Variants in DOCK2 observed in about 807,000 individuals in gnomAD.
DOCK2 encodes the protein dedicator of cytokinesis protein 2.
DOCK2 carries 87 observed loss-of-function variants against 248.9 expected under a neutral mutation model. The ratio of observed to expected loss-of-function variants is 0.35; its 90% CI spans 0.29 to 0.42. The LOEUF (loss-of-function observed/expected upper bound fraction) is 0.42. Ranked by LOEUF, DOCK2 falls within the 10% of genes least tolerant of loss-of-function variation. The probability of loss-of-function intolerance (pLI) is 1.00; values close to 1 mark genes in which losing one functional copy is unlikely to be tolerated. For missense variants in DOCK2, 1,747 were observed against 2,300.2 expected (o/e 0.76, Z 4.92); for synonymous variants, 805 against 821.6 (o/e 0.98, Z 0.35).
At chr5:169,679,983 C>T (rs1413142365) in intron 6 of DOCK2, among the ~76,000 whole-genome samples, 1 of 152,164 alleles carries the variant, frequency 6.6e-6, no homozygotes, top group Non-Finnish European at 1.5e-5. Flanking sequence ...CTCCTACCTT[C>T]TTTGTATGGA....
chr5:169,837,184 AT>A (rs747854468), intron 26 of DOCK2, among the ~76,000 whole-genome samples: 7 of 152,214 alleles, frequency 4.6e-5, no homozygotes, highest in Admixed American at 1.3e-4. Context: ...AATCACTACA[AT>A]TTGCAGTGTG....
intron 27 of DOCK2, among the ~76,000 whole-genome samples, chr5:169,922,499 A>G (rs925106386): frequency 6.6e-6 from 1 of 152,212 alleles, no homozygotes; most frequent in Non-Finnish European, 1.5e-5. Flanking sequence ...ACATTTAATT[A>G]TCTAAGTAAA....
chr5:169,804,255 C>T (rs1241564233), intron 26 of DOCK2, among the ~76,000 whole-genome samples: 1 of 152,162 alleles, frequency 6.6e-6, no homozygotes, highest in Non-Finnish European at 1.5e-5. Flanking sequence ...CTACACTTAC[C>T]ATCCCAATTA....
At chr5:169,734,925 C>G (rs934136330) in intron 22 of DOCK2, among the ~76,000 whole-genome samples, 1 of 152,308 alleles carries the variant, frequency 6.6e-6, no homozygotes, top group South Asian at 2.1e-4. Flanking sequence ...AAGCTGGCTG[C>G]ATTGCTCTGA....
At chr5:170,021,705 CT>C (rs756881367) in intron 33 of DOCK2, among the ~76,000 whole-genome samples, 2 of 152,156 alleles carry the variant, frequency 1.3e-5, no homozygotes, top group Non-Finnish European at 2.9e-5. Flanking sequence ...ATCAGGCTGA[CT>C]AATGAGGCAG....
intron 23 of DOCK2, among the ~76,000 whole-genome samples, chr5:169,756,390 G>A (rs1280307031): frequency 6.6e-6 from 1 of 152,214 alleles, no homozygotes; most frequent in Non-Finnish European, 1.5e-5. Context: ...TTCTGTGCAT[G>A]TTTCTCACTT....
In DOCK2 at chr5:170,034,502, G is replaced by T; in HGVS notation, c.3571G>T (p.Val1191Leu). 1 of 1,614,216 alleles carries T rather than the reference G, an allele frequency of 6.2e-7. No individual in the cohort carries two copies. The highest frequency in any genetic ancestry group is 8.5e-7 in the Non-Finnish European group (1 of 1,180,018). Residue 1191 changes from valine to leucine, a missense_variant, in exon 35 of 52, where the codon GTG (valine) becomes TTG (leucine). Val to Leu is a conservative substitution (Grantham distance 32). Coordinates refer to ENST00000520908, the MANE Select transcript of DOCK2 (RefSeq NM_004946.3). ...GGAGAAGCTGCTGGATTACCGGGGT[G>T]TGATGACAGATGAGAGCAAAGACAA... ...LLEKLLDYRGVMTDESKDNRM... is the reference protein window; with the variant it reads ...LLEKLLDYRGLMTDESKDNRM...
At chr5:170,058,951 T>A (rs1390245633) in intron 44 of DOCK2, among the ~76,000 whole-genome samples, 1 of 152,158 alleles carries the variant, frequency 6.6e-6, no homozygotes, top group Non-Finnish European at 1.5e-5. Flanking sequence ...TTGTTTTGAG[T>A]ATGGGCTCAA....
At chr5:169,756,884 C>T (rs150868218) in intron 23 of DOCK2, among the ~76,000 whole-genome samples, 1,576 of 150,148 alleles carry the variant, frequency 0.01, 29 homozygotes, top group African/African-American at 0.037. Context: ...GAGATCACCC[C>T]ATTGCACTCT....
chr5:170,047,538 T>C lies in DOCK2; in HGVS notation c.3995T>C (p.Ile1332Thr), dbSNP rs1363914896. The C allele has an allele frequency of 6.2e-7, 1 of 1,613,650 alleles. No homozygotes were observed. The highest frequency in any genetic ancestry group is 2.2e-5 in the East Asian group (1 of 44,874). Residue 1332 changes from isoleucine to threonine, a missense_variant, in exon 40 of 52, where the codon ATC (isoleucine) becomes ACC (threonine). By Grantham distance (89) the Ile-to-Thr change is moderately conservative (BLOSUM62 -1). Coordinates refer to ENST00000520908, the MANE Select transcript of DOCK2 (RefSeq NM_004946.3). ...CAGCAGGCAAAATTCTATGAAAGCATCATGAAAATCCTCAGGCCCAAACCA... is the reference window on the plus strand; with the variant it reads ...CAGCAGGCAAAATTCTATGAAAGCACCATGAAAATCCTCAGGCCCAAACCA... The part of the protein sequence containing the change: ...LIQQAKFYES[I>T]MKILRPKPDY...
At chr5:169,987,681 C>T (rs1322260837) in intron 29 of DOCK2, among the ~76,000 whole-genome samples, 1 of 152,042 alleles carries the variant, frequency 6.6e-6, no homozygotes. Context: ...TGGGAGAGGC[C>T]CCCAGAAATG....
At chr5:169,753,349 T>G (rs1764006490) in intron 23 of DOCK2, among the ~76,000 whole-genome samples, 1 of 151,604 alleles carries the variant, frequency 6.6e-6, no homozygotes, top group African/African-American at 2.4e-5. Context: ...ATGTTCTCCC[T>G]GCCCTCACCC....
chr5:170,036,681 G>A, intron 36 of DOCK2, 126 bp downstream of exon 36: 1 of 853,410 alleles, frequency 1.2e-6, no homozygotes, highest in Non-Finnish European at 1.8e-6. Context: ...GGCCCTCTGT[G>A]TTCTGATTCC....
At chr5:170,055,456 T>G (rs1353253621) in intron 42 of DOCK2, 70 bp downstream of exon 42, 1 of 1,418,858 alleles carries the variant, frequency 7.0e-7, no homozygotes, top group Non-Finnish European at 1.0e-6. Context: ...ACTGAGCTGG[T>G]GGCAGAACAG....
chr5:169,956,777 G>A (rs1776883153), intron 27 of DOCK2, among the ~76,000 whole-genome samples: 2 of 152,106 alleles, frequency 1.3e-5, no homozygotes, highest in African/African-American at 2.4e-5. Context: ...CTCACAAAAA[G>A]TTCAAATGTA....
intron 23 of DOCK2, among the ~76,000 whole-genome samples, chr5:169,756,257 T>G (rs1764187979): frequency 6.6e-6 from 1 of 152,214 alleles, no homozygotes; most frequent in Non-Finnish European, 1.5e-5. Flanking sequence ...GTGCGGGCTG[T>G]GGAGACTCCT....
At chr5:169,939,798 A>G (rs868617378) in intron 27 of DOCK2, among the ~76,000 whole-genome samples, 8 of 152,032 alleles carry the variant, frequency 5.3e-5, no homozygotes, top group Non-Finnish European at 1.0e-4. Context: ...AAAATATAAG[A>G]AAGGTAAAAA....
At chr5:169,822,432 T>G (rs932568018) in intron 26 of DOCK2, among the ~76,000 whole-genome samples, 6 of 152,206 alleles carry the variant, frequency 3.9e-5, no homozygotes, top group African/African-American at 1.4e-4. Context: ...CAGACCACAG[T>G]GCAATCAAAC....
At chr5:170,078,327 T>C (rs1392102633) in intron 48 of DOCK2, among the ~76,000 whole-genome samples, 2 of 152,186 alleles carry the variant, frequency 1.3e-5, no homozygotes, top group Non-Finnish European at 2.9e-5. Flanking sequence ...GCCATCATTG[T>C]TGGACCCTCC....
Sources: gnomAD v4.1 joint callset for allele counts (sites outside exome capture counted in the v4.1 genomes callset) on GRCh38, gnomAD v4.1.1 for gene constraint, MANE v1.5 for transcripts, NCBI Gene and HGNC (gene_info 2026-07-23, HGNC 2026-07-21) for gene names.